Variants in ADAMTS19 observed in about 807,000 individuals in gnomAD.
ADAMTS19 encodes the protein A disintegrin and metalloproteinase with thrombospondin motifs 19.
ADAMTS19 carries 93 observed loss-of-function variants against 153.3 expected under a neutral mutation model. That is an observed-to-expected ratio of 0.61 (90% CI 0.51 to 0.72). ADAMTS19 has a LOEUF of 0.72. Ranked by LOEUF, ADAMTS19 falls within the 30% of genes least tolerant of loss-of-function variation. ADAMTS19 has a pLI of 0.00. For missense variants in ADAMTS19, 1,482 were observed against 1,552.1 expected (o/e 0.95, Z 0.76); for synonymous variants, 600 against 556.6 (o/e 1.08, Z -1.10).
At chr5:129,681,489 A>T (rs769812024) in intron 17 of ADAMTS19, among the ~76,000 whole-genome samples, 1 of 152,228 alleles carries the variant, frequency 6.6e-6, no homozygotes, top group Non-Finnish European at 1.5e-5. Flanking sequence ...TATGTTCATT[A>T]TAGCATTTAA....
chr5:129,678,241 C>A (rs1258012179), intron 16 of ADAMTS19, among the ~76,000 whole-genome samples: 1 of 152,148 alleles, frequency 6.6e-6, no homozygotes, highest in South Asian at 2.1e-4. Context: ...GTCTCCTGGT[C>A]CTGGTCAAGC....
At chr5:129,577,321 G>A (rs533676197) in intron 7 of ADAMTS19, among the ~76,000 whole-genome samples, 1 of 152,186 alleles carries the variant, frequency 6.6e-6, no homozygotes, top group African/African-American at 2.4e-5. Context: ...CACACATTGG[G>A]AATTAACATA....
chr5:129,527,607 C>A, intron 4 of ADAMTS19, 141 bp from the exon 5 acceptor site: 1 of 396,514 alleles, frequency 2.5e-6, no homozygotes, highest in Non-Finnish European at 4.3e-6. Flanking sequence ...AATTACTTTG[C>A]TTTACAAGCT....
At chr5:129,616,946 C>T (rs1751559808) in intron 8 of ADAMTS19, among the ~76,000 whole-genome samples, 1 of 152,046 alleles carries the variant, frequency 6.6e-6, no homozygotes, top group Non-Finnish European at 1.5e-5. Context: ...AGAGGTTCAT[C>T]TGTGTGAGCA....
chr5:129,544,259 C>T (rs1343230172), intron 6 of ADAMTS19, among the ~76,000 whole-genome samples: 1 of 152,148 alleles, frequency 6.6e-6, no homozygotes, highest in Admixed American at 6.6e-5. Flanking sequence ...ATAATCCCCA[C>T]TTGTTGAAAG....
intron 18 of ADAMTS19, among the ~76,000 whole-genome samples, chr5:129,690,121 CA>C (rs1755265377): frequency 3.1e-5 from 4 of 128,880 alleles, no homozygotes; most frequent in Non-Finnish European, 7.4e-5. Context: ...ACCATGCATC[CA>C]CTATTGCTAG....
At chr5:129,601,964 C>T (rs1211434920) in intron 8 of ADAMTS19, among the ~76,000 whole-genome samples, 1 of 152,184 alleles carries the variant, frequency 6.6e-6, no homozygotes, top group African/African-American at 2.4e-5. Context: ...GTCAAAGATA[C>T]TTTGGAGGGA....
At chr5:129,658,844 T>C in intron 15 of ADAMTS19, 107 bp downstream of exon 15, 1 of 1,172,382 alleles carries the variant, frequency 8.5e-7, no homozygotes, top group Non-Finnish European at 1.2e-6. Context: ...TATTGAAGAC[T>C]TGCAATGGGT....
At chr5:129,719,355 G>T (rs867271562) in intron 21 of ADAMTS19, among the ~76,000 whole-genome samples, 1 of 152,000 alleles carries the variant, frequency 6.6e-6, no homozygotes, top group Non-Finnish European at 1.5e-5. Context: ...TATTTATACC[G>T]TAATCTCCCA....
At position 129,735,011 on chromosome 5, in the gene ADAMTS19, A is replaced by C; in HGVS notation, c.3392A>C (p.Glu1131Ala). 1 of 1,612,316 alleles carries C rather than the reference A, an allele frequency of 6.2e-7. No individual in the cohort carries two copies. Among genetic ancestry groups the C allele is most frequent in the Non-Finnish European group, 8.5e-7 (1 of 1,178,940 alleles). Residue 1131 changes from glutamate (E) to alanine (A), a missense_variant, in exon 22 of 23, where the codon GAA becomes GCA. Around this residue, in one of 2 missense-constraint regions of ADAMTS19, gnomAD observed 616 missense variants for 724.4 expected, o/e 0.85. Transcript: ENST00000274487. ...AAGATCACAGGAAGACATGGAAATG[A>C]ATGTTTTTCCTCAGAAAAACCTGCA... ...MHKITGRHGN[E>A]CFSSEKPAAY... is the part of the protein sequence containing the mutation.
In ADAMTS19 at chr5:129,727,623, G is replaced by A. The variant is rs188750834; in HGVS notation, c.3313-7309G>A. ...TAAAACTCTAATTCCAGCACTTCTT[G>A]CCTGTAAAACCGTAGACAGTAGACA... On this transcript the variant is annotated intron_variant, in intron 21 of 22. Coordinates refer to ENST00000274487, the MANE Select transcript of ADAMTS19 (RefSeq NM_133638.6). 7.9e-5 allele frequency among the ~76,000 whole-genome samples: 12 copies of A among 152,218 alleles called. No homozygotes were observed. The East Asian group carries it at 2.3e-3, about 29-fold the overall frequency.
intron 8 of ADAMTS19, 121 bp downstream of exon 8, chr5:129,596,785 A>G: frequency 1.5e-6 from 1 of 680,178 alleles, no homozygotes; most frequent in Non-Finnish European, 2.5e-6. Context: ...AAAACTAGGG[A>G]GACAAGAAGG....
At chr5:129,522,191 AAAT>A (rs1751830356) in intron 3 of ADAMTS19, among the ~76,000 whole-genome samples, 3 of 149,108 alleles carry the variant, frequency 2.0e-5, no homozygotes, top group Admixed American at 1.3e-4. Flanking sequence ...TGTTGAAAAA[AAAT>A]ATATATATAT....
At chr5:129,488,578 AT>A (rs1372861383) in intron 2 of ADAMTS19, among the ~76,000 whole-genome samples, 1 of 152,100 alleles carries the variant, frequency 6.6e-6, no homozygotes, top group Non-Finnish European at 1.5e-5. Flanking sequence ...ATTTAGCTGT[AT>A]TTTATAGTCT....
intron 7 of ADAMTS19, among the ~76,000 whole-genome samples, chr5:129,589,418 A>G (rs978050224): frequency 7.2e-5 from 11 of 151,932 alleles, no homozygotes; most frequent in Non-Finnish European, 1.5e-4. Context: ...ATAATTACAT[A>G]TATGTTATCC....
intron 13 of ADAMTS19, among the ~76,000 whole-genome samples, chr5:129,651,380 C>T (rs1199149154): frequency 6.6e-6 from 1 of 152,140 alleles, no homozygotes; most frequent in Non-Finnish European, 1.5e-5. Flanking sequence ...GTAACACTTG[C>T]TTTTCAGTTG....
intron 6 of ADAMTS19, among the ~76,000 whole-genome samples, chr5:129,551,339 TACATAGATC>T (rs1753085557): frequency 6.6e-6 from 1 of 151,690 alleles, no homozygotes; most frequent in African/African-American, 2.4e-5. Context: ...TAAAATATTA[TACATAGATC>T]CCATTTATGT....
intron 22 of ADAMTS19, 47 bp downstream of exon 22, chr5:129,735,156 T>A: frequency 1.4e-6 from 2 of 1,462,290 alleles, no homozygotes; most frequent in Non-Finnish European, 1.8e-6. Flanking sequence ...ATAGAAATGC[T>A]TATGGCTTCT....
intron 17 of ADAMTS19, among the ~76,000 whole-genome samples, chr5:129,681,732 A>T (rs1346886685): frequency 6.6e-6 from 1 of 152,170 alleles, no homozygotes; most frequent in African/African-American, 2.4e-5. Context: ...CTTAAATCAA[A>T]AATGTAAGTA....
Sources: allele counts gnomAD v4.1 joint callset (sites outside exome capture counted in the v4.1 genomes callset), GRCh38; gene constraint gnomAD v4.1.1; regional missense constraint gnomAD v4.1.1; transcripts MANE v1.5; gene names NCBI Gene and HGNC (gene_info 2026-07-23, HGNC 2026-07-21).